ZNF131: variants seen among roughly 807,000 people sequenced by gnomAD.
The protein encoded by ZNF131 is zinc finger and BTB domain containing 35.
Under a neutral mutation model 60.0 loss-of-function variants are expected in ZNF131, and 7 were observed. The ratio of observed to expected loss-of-function variants is 0.12; its 90% CI spans 0.07 to 0.22. The LOEUF is 0.22. Ranked by LOEUF, ZNF131 falls within the 10% of genes least tolerant of loss-of-function variation. The pLI is 1.00. For synonymous variants in ZNF131, 257 were observed against 253.2 expected, an observed-to-expected ratio of 1.01 and a Z score of -0.14; for missense variants, 493 against 740.9, an observed-to-expected ratio of 0.67 and a Z score of 3.88.
chr5:43,135,943 T>C (rs1746026283), intron 3 of ZNF131, among the ~76,000 whole-genome samples: 1 of 152,052 alleles, frequency 6.6e-6, no homozygotes, highest in South Asian at 2.1e-4. Flanking sequence ...AGTGAAACCC[T>C]GTCTCTACTA....
chr5:43,123,327 G>GT lies in ZNF131; in HGVS notation c.226+24dup, dbSNP rs1302725785. The GT allele has an allele frequency of 3.8e-6, 6 of 1,567,390 alleles. No homozygotes were observed. The African/African-American group carries it at 4.2e-5, about 11-fold the overall frequency. On this transcript the variant is annotated intron_variant, in intron 3 of 6. Transcript: ENST00000682664. Reference sequence around the variant, plus strand: ...AGATAGAAGGTAAATGATTCTTGTTGTTTTTTTATTTAATAAATCAAAGAA... The same window carrying GT: ...AGATAGAAGGTAAATGATTCTTGTTGTTTTTTTTATTTAATAAATCAAAGAA...
At chr5:43,157,568 A>G (rs1315683706) in intron 4 of ZNF131, among the ~76,000 whole-genome samples, 1 of 152,154 alleles carries the variant, frequency 6.6e-6, no homozygotes, top group Non-Finnish European at 1.5e-5. Context: ...GCTGTTCTTG[A>G]ACTTGCTGCC....
intron 4 of ZNF131, among the ~76,000 whole-genome samples, chr5:43,155,853 C>T (rs910708060): frequency 6.6e-6 from 1 of 152,156 alleles, no homozygotes; most frequent in Non-Finnish European, 1.5e-5. Flanking sequence ...TGGGGTTTAT[C>T]AGCAACCCCT....
At chr5:43,133,639 G>C (rs1745652528) in intron 3 of ZNF131, among the ~76,000 whole-genome samples, 1 of 152,126 alleles carries the variant, frequency 6.6e-6, no homozygotes, top group African/African-American at 2.4e-5. Context: ...TATCAGAATG[G>C]GTACAGAGTT....
chr5:43,151,430 T>TGTTTC (rs1748297827), intron 4 of ZNF131, among the ~76,000 whole-genome samples: 1 of 151,410 alleles, frequency 6.6e-6, no homozygotes, highest in Non-Finnish European at 1.5e-5. Context: ...GTCGTCATTT[T>TGTTTC]GTTTCGTTTT....
chr5:43,131,014 C>T (rs1745275520), intron 3 of ZNF131, among the ~76,000 whole-genome samples: 1 of 152,054 alleles, frequency 6.6e-6, no homozygotes, highest in African/African-American at 2.4e-5. Context: ...CAGGCACTCA[C>T]TAACCACACC....
chr5:43,129,719 A>G (rs192023571), intron 3 of ZNF131, among the ~76,000 whole-genome samples: 14 of 152,100 alleles, frequency 9.2e-5, no homozygotes, highest in Middle Eastern at 3.4e-3. Flanking sequence ...CAGTGGCACA[A>G]TCTCGGCTCA....
At chr5:43,149,417 G>A (rs6885937) in intron 4 of ZNF131, among the ~76,000 whole-genome samples, 152,375 of 152,380 alleles carry the variant, frequency 1, 76,185 homozygotes, top group Non-Finnish European at 1. Flanking sequence ...TTGTATGGAT[G>A]TATCACCATT....
intron 5 of ZNF131, among the ~76,000 whole-genome samples, chr5:43,166,159 CAGTA>C (rs1317492999): frequency 1.3e-5 from 2 of 152,214 alleles, no homozygotes; most frequent in Non-Finnish European, 2.9e-5. Flanking sequence ...TCTTCATAAG[CAGTA>C]AGGCAATTTT....
intron 6 of ZNF131, among the ~76,000 whole-genome samples, chr5:43,174,110 C>G (rs112598922): frequency 0.18 from 27,461 of 152,130 alleles, 2,886 homozygotes; most frequent in Middle Eastern, 0.33. Flanking sequence ...TGCCTGTAAT[C>G]CCAGCTACTT....
At chr5:43,148,590 A>G (rs986672578) in intron 4 of ZNF131, among the ~76,000 whole-genome samples, 3 of 152,242 alleles carry the variant, frequency 2.0e-5, no homozygotes, top group African/African-American at 4.8e-5. Flanking sequence ...CAAGGCAGCT[A>G]TAGACAGTAT....
At chr5:43,137,883 A>G (rs1746329648) in intron 3 of ZNF131, among the ~76,000 whole-genome samples, 1 of 152,270 alleles carries the variant, frequency 6.6e-6, no homozygotes, top group Non-Finnish European at 1.5e-5. Flanking sequence ...ATGGAATACT[A>G]TTCAGCTCTT....
chr5:43,137,961 A>C (rs774605294), intron 3 of ZNF131, among the ~76,000 whole-genome samples: 16 of 152,264 alleles, frequency 1.1e-4, no homozygotes, highest in Non-Finnish European at 2.9e-5. Context: ...TAAGTGAAGT[A>C]AGCCAGTCAC....
At chr5:43,139,806 C>G (rs1222620027) in intron 4 of ZNF131, among the ~76,000 whole-genome samples, 3 of 152,230 alleles carry the variant, frequency 2.0e-5, no homozygotes, top group East Asian at 3.9e-4. Flanking sequence ...CTAAGTGCAC[C>G]TAGTTCAAAG....
rs1406693713 is a variant in ZNF131 at position 43,161,279 on chromosome 5, A to C, written c.402A>C (p.Glu134Asp). ...AAGAAAACTCAGCTCCCTTAGAGGAAAATACCACAGGAAAAAATGAGGCCA... is the reference window on the plus strand; with the variant it reads ...AAGAAAACTCAGCTCCCTTAGAGGACAATACCACAGGAAAAAATGAGGCCA... ...RNKENSAPLE[E>D]NTTGKNEAKK... is the part of the protein sequence containing the mutation. The change falls in exon 5 of 7, where the codon GAA becomes GAC. Residue 134 changes from glutamate (E) to aspartate (D), a missense_variant. Glu to Asp is a conservative substitution (Grantham distance 45). Transcript: ENST00000682664. 1 of 1,612,246 alleles carries C rather than the reference A, an allele frequency of 6.2e-7. No homozygotes were observed. The highest frequency in any genetic ancestry group is 2.2e-5 in the East Asian group (1 of 44,892).
At chr5:43,130,263 C>CAAAAAAAAAAAAAAAAAAAAAA (rs765959932) in intron 3 of ZNF131, among the ~76,000 whole-genome samples, 420 of 33,070 alleles carry the variant, frequency 0.013, 84 homozygotes, top group Middle Eastern at 0.1. Flanking sequence ...GACTCTGTCT[C>CAAAAAAAAAAAAAAAAAAAAAA]CAAAAAAAAA....
intron 6 of ZNF131, among the ~76,000 whole-genome samples, chr5:43,173,676 A>G (rs1364745434): frequency 1.3e-5 from 2 of 152,166 alleles, no homozygotes; most frequent in Non-Finnish European, 2.9e-5. Context: ...GTCTGGAACT[A>G]TAGTTAACCA....
At position 43,174,551 on chromosome 5, in the gene ZNF131, G is replaced by A. The variant is rs1751366048; in HGVS notation, c.1290G>A (p.Met430Ile). 1 of 1,605,176 alleles carries A rather than the reference G, an allele frequency of 6.2e-7. No homozygotes were observed. Among genetic ancestry groups the A allele is most frequent in the Non-Finnish European group, 8.5e-7 (1 of 1,175,352 alleles). The change falls in exon 7 of 7, where the codon ATG becomes ATA. Residue 430 changes from methionine (M) to isoleucine (I), a missense_variant. By Grantham distance (10) the Met-to-Ile change is conservative. This residue lies in a region of ZNF131 where 33 missense variants were observed against 67.9 expected (regional missense o/e 0.49). Coordinates refer to ENST00000682664, the MANE Select transcript of ZNF131 (RefSeq NM_001330707.2). Reference sequence around the variant, plus strand: ...GTACTTTATGTGATTTGTGGTTTATGCAAGGAAATGAATTAAGGAGGCATC... The same window carrying A: ...GTACTTTATGTGATTTGTGGTTTATACAAGGAAATGAATTAAGGAGGCATC... ...NHCTLCDLWF[M>I]QGNELRRHLS... is the part of the protein sequence containing the mutation.
At chr5:43,124,077 T>C (rs1000118960) in intron 3 of ZNF131, 2 of 149,374 alleles carry the variant, frequency 1.3e-5, no homozygotes, top group Non-Finnish European at 3.0e-5. Flanking sequence ...TGGGGCAACA[T>C]AGACCCTGTC....
Sources: gnomAD v4.1 joint callset for allele counts (sites outside exome capture counted in the v4.1 genomes callset) on GRCh38, gnomAD v4.1.1 for gene constraint, gnomAD v4.1.1 regional missense constraint, MANE v1.5 for transcripts, NCBI Gene and HGNC (gene_info 2026-07-23, HGNC 2026-07-21) for gene names.